DRC10: variants seen among roughly 807,000 people sequenced by gnomAD.
DRC10 encodes the protein IQ domain-containing protein D.
chr12:113,220,678 C>A, the DRC10 span, among the ~76,000 whole-genome samples: 5 of 152,218 alleles, frequency 3.3e-5, no homozygotes, highest in African/African-American at 1.2e-4. Flanking sequence ...TTATAAACTC[C>A]CCTCCCACCC....
chr12:113,202,127 C>T, the DRC10 span, among the ~76,000 whole-genome samples: 6 of 152,322 alleles, frequency 3.9e-5, no homozygotes, highest in South Asian at 2.1e-4. Flanking sequence ...CCTCCCTGCC[C>T]GAGGGCTCAG....
At chr12:113,210,686 C>T in the DRC10 span, among the ~76,000 whole-genome samples, 5 of 145,666 alleles carry the variant, frequency 3.4e-5, no homozygotes, top group Non-Finnish European at 6.0e-5. Context: ...CAGATGGACA[C>T]CCCCCATAAC....
At chr12:113,214,833 C>A in the DRC10 span, among the ~76,000 whole-genome samples, 1 of 146,450 alleles carries the variant, frequency 6.8e-6, no homozygotes, top group Non-Finnish European at 1.5e-5. Flanking sequence ...TTTTTTTTTT[C>A]TTTCTGTGAC....
At chr12:113,213,316 T>C in the DRC10 span, among the ~76,000 whole-genome samples, 2 of 151,924 alleles carry the variant, frequency 1.3e-5, no homozygotes, top group Non-Finnish European at 2.9e-5. Flanking sequence ...TTTCATGTCA[T>C]GGGGGTTTGG....
At chr12:113,205,705 A>G in the DRC10 span, among the ~76,000 whole-genome samples, 1 of 133,988 alleles carries the variant, frequency 7.5e-6, no homozygotes, top group African/African-American at 2.8e-5. Context: ...CTGGCTAACA[A>G]GGTGAAACCC....
chr12:113,200,047 G>A, the DRC10 span: 7 of 253,594 alleles, frequency 2.8e-5, no homozygotes, highest in Non-Finnish European at 4.7e-5. Context: ...CACCTTACCC[G>A]GTCAGAAATG....
At chr12:113,203,482 T>G in the DRC10 span, among the ~76,000 whole-genome samples, 1 of 97,902 alleles carries the variant, frequency 1.0e-5, no homozygotes. Flanking sequence ...TTCCCTTCCC[T>G]TCCCTTTCAT....
At chr12:113,214,507 CAAAAAAAAAAAA>C in the DRC10 span, among the ~76,000 whole-genome samples, 3 of 50,324 alleles carry the variant, frequency 6.0e-5, no homozygotes, top group Non-Finnish European at 1.3e-4. Flanking sequence ...GACTCCGTCT[CAAAAAAAAAAAA>C]AAAAAAAAAG....
the DRC10 span, among the ~76,000 whole-genome samples, chr12:113,205,761 C>T: frequency 2.7e-4 from 40 of 150,570 alleles, no homozygotes; most frequent in Non-Finnish European, 3.5e-4. Context: ...CGGTGGCGGG[C>T]GCCTGTAGTC....
chr12:113,211,905 T>TA, the DRC10 span, among the ~76,000 whole-genome samples: 104 of 148,170 alleles, frequency 7.0e-4, 1 homozygote, highest in African/African-American at 1.3e-3. Context: ...TACAAAAAGT[T>TA]AAAAAAAAAA....
the DRC10 span, chr12:113,197,655 ACAAT>A: frequency 1.6e-6 from 2 of 1,248,916 alleles, no homozygotes; most frequent in Non-Finnish European, 1.1e-6. Flanking sequence ...GAATATATTA[ACAAT>A]CAACAGCACT....
At chr12:113,215,778 G>T in the DRC10 span, among the ~76,000 whole-genome samples, 2 of 152,066 alleles carry the variant, frequency 1.3e-5, no homozygotes, top group Admixed American at 1.3e-4. Flanking sequence ...AGTGAATTTA[G>T]ATTATTCTAT....
chr12:113,196,263 G>A, the DRC10 span, among the ~76,000 whole-genome samples: 4 of 152,278 alleles, frequency 2.6e-5, no homozygotes, highest in Non-Finnish European at 5.9e-5. Flanking sequence ...TAAATGACCC[G>A]ATGGACACAA....
chr12:113,220,628 A>AC, the DRC10 span, among the ~76,000 whole-genome samples: 2 of 152,214 alleles, frequency 1.3e-5, no homozygotes, highest in Non-Finnish European at 2.9e-5. Context: ...TTGCCTGCTC[A>AC]CCGAGGAACG....
the DRC10 span, among the ~76,000 whole-genome samples, chr12:113,203,777 A>ATTTTTTT: frequency 3.6e-4 from 35 of 96,972 alleles, no homozygotes; most frequent in Non-Finnish European, 4.6e-4. Context: ...TGCCCAGCTA[A>ATTTTTTT]TTTTTTTTTT....
the DRC10 span, among the ~76,000 whole-genome samples, chr12:113,205,083 T>G: frequency 1.3e-5 from 2 of 152,160 alleles, no homozygotes; most frequent in Admixed American, 1.3e-4. Flanking sequence ...AAGTACATTG[T>G]ACTTCTCAAA....
At chr12:113,195,939 C>CA in the DRC10 span, 1 of 1,543,948 alleles carries the variant, frequency 6.5e-7, no homozygotes, top group Admixed American at 1.8e-5. Context: ...TGCCTCCTCC[C>CA]ACCCTCCTCC....
At chr12:113,219,632 C>G in the DRC10 span, among the ~76,000 whole-genome samples, 1 of 151,870 alleles carries the variant, frequency 6.6e-6, no homozygotes, top group Non-Finnish European at 1.5e-5. Flanking sequence ...CTGATCTTTT[C>G]ATTTTCTTAT....
chr12:113,197,265 G>A, the DRC10 span, among the ~76,000 whole-genome samples: 1 of 144,712 alleles, frequency 6.9e-6, no homozygotes, highest in Non-Finnish European at 1.5e-5. Flanking sequence ...TTGAATTACT[G>A]AGCTCAAGCG....
Sources: allele counts gnomAD v4.1 joint callset (sites outside exome capture counted in the v4.1 genomes callset), GRCh38; gene constraint gnomAD v4.1.1; transcripts MANE v1.5; gene names NCBI Gene and HGNC (gene_info 2026-07-23, HGNC 2026-07-21).